Variants in DMD observed in about 807,000 individuals in gnomAD.
DMD encodes mutant dystrophin.
Under a neutral mutation model 330.1 loss-of-function variants are expected in DMD, and 63 were observed. The observed-to-expected ratio is 0.19, with a 90% confidence interval of 0.16 to 0.24. The LOEUF (loss-of-function observed/expected upper bound fraction) is 0.24. Among genes scored for constraint, DMD ranks in the 10% least tolerant of loss-of-function variants. DMD has a pLI of 1.00. For missense variants in DMD, 3,344 were observed against 2,684.1 expected, an observed-to-expected ratio of 1.25 and a Z score of -5.43; for synonymous variants, 1,223 against 959.8, an observed-to-expected ratio of 1.27 and a Z score of -5.07.
chrX:32,987,256 G>A (rs1241599479), intron 2 of DMD, among the ~76,000 whole-genome samples: 1 of 111,929 alleles, frequency 8.9e-6, no homozygotes, highest in Admixed American at 9.5e-5. Context: ...CGGATCAAAA[G>A]GTGCCTCCAA....
intron 1 of DMD, among the ~76,000 whole-genome samples, chrX:33,083,401 A>G (rs2094959397): frequency 9.0e-6 from 1 of 111,627 alleles, no homozygotes; most frequent in African/African-American, 3.3e-5. Context: ...AAAATTTTTC[A>G]TCTTGGTCCC....
intron 2 of DMD, among the ~76,000 whole-genome samples, chrX:32,859,460 C>A (rs1007768602): frequency 4.4e-5 from 3 of 68,755 alleles, no homozygotes; most frequent in Non-Finnish European, 7.9e-5. Context: ...GAAGCAAGAT[C>A]TCACACACAC....
Position 32,816,594 on chromosome X carries a change from T to C in DMD, c.404A>G (p.Asn135Ser), listed in dbSNP as rs764808552. ...CCAGCTCAGGAGAATCTTTTCACTGTTGGTTTGTTGCAATCCAGCCATGAT... is the reference window on the plus strand; with the variant it reads ...CCAGCTCAGGAGAATCTTTTCACTGCTGGTTTGTTGCAATCCAGCCATGAT... Reference protein sequence around the residue: ...KNIMAGLQQTNSEKILLSWVR... With the variant: ...KNIMAGLQQTSSEKILLSWVR... Residue 135 changes from asparagine (N) to serine (S), a missense_variant, in exon 6 of 79, where the codon AAC (asparagine) becomes AGC (serine). Coordinates refer to ENST00000357033, the MANE Select transcript of DMD (RefSeq NM_004006.3). 8.3e-6 allele frequency: 10 copies of C among 1,210,028 alleles called. No individual in the cohort carries two copies. In the African/African-American group the frequency reaches 1.2e-4, roughly 15 times the overall value.
intron 2 of DMD, among the ~76,000 whole-genome samples, chrX:32,874,440 C>A (rs189474966): frequency 8.1e-5 from 9 of 111,678 alleles, no homozygotes; most frequent in African/African-American, 2.6e-4. Context: ...TGCCAGTTTT[C>A]TCTCTCGCCT....
chrX:32,856,049 G>T (rs1489570958), intron 2 of DMD, among the ~76,000 whole-genome samples: 3 of 111,959 alleles, frequency 2.7e-5, no homozygotes, highest in Non-Finnish European at 5.6e-5. Context: ...TGTCAAAGAG[G>T]AATATGAAAA....
At chrX:31,748,193 G>C (rs760186587) in intron 51 of DMD, among the ~76,000 whole-genome samples, 32 of 111,798 alleles carry the variant, frequency 2.9e-4, no homozygotes, top group African/African-American at 1.0e-3. Flanking sequence ...TGAGGTGAAG[G>C]CTTCAATCCA....
At position 31,671,012 on chromosome X, in the gene DMD, G is replaced by A. The variant is rs970000319; in HGVS notation, c.7872+8363C>T. Among the ~76,000 whole-genome samples, 9 of 109,801 alleles carry A rather than the reference G, an allele frequency of 8.2e-5. 1 individual carries two copies. Among genetic ancestry groups the A allele is most frequent in the Middle Eastern group, 4.7e-3 (1 of 215 alleles). On this transcript the variant is annotated intron_variant, in intron 53 of 78. Coordinates refer to ENST00000357033, the MANE Select transcript of DMD (RefSeq NM_004006.3). ...ACTGCAAACTCTGCCTCCAGGGTTC[G>A]CGCCATTCTCCTGCCTCAGCCTCCT... is the stretch of plus-strand genomic sequence containing the variant.
At position 32,766,997 on chromosome X, in the gene DMD, C is replaced by T. The variant is rs185208524; in HGVS notation, c.649+42496G>A. Among the ~76,000 whole-genome samples, 5 of 111,345 alleles carry T rather than the reference C, an allele frequency of 4.5e-5. No individual in the cohort carries two copies. The East Asian group carries it at 1.1e-3, about 25-fold the overall frequency. On this transcript the variant is annotated intron_variant, in intron 7 of 78. Transcript: ENST00000357033. ...TGATTCAATTCAAGCTGTCCAATGC[C>T]GCATTAATACATACCATTAAACAAA...
intron 44 of DMD, among the ~76,000 whole-genome samples, chrX:31,988,345 C>G (rs1279980700): frequency 1.0e-4 from 11 of 106,176 alleles, no homozygotes; most frequent in African/African-American, 2.4e-4. Flanking sequence ...GTGGTGGCGG[C>G]CGCCTGTAGT....
intron 50 of DMD, among the ~76,000 whole-genome samples, chrX:31,797,787 A>C (rs1171628304): frequency 9.0e-6 from 1 of 111,498 alleles, no homozygotes; most frequent in African/African-American, 3.3e-5. Context: ...AATGTAAAAA[A>C]TGAAAGACTG....
At chrX:32,984,677 C>T (rs1226744937) in intron 2 of DMD, among the ~76,000 whole-genome samples, 1 of 111,940 alleles carries the variant, frequency 8.9e-6, no homozygotes, top group Non-Finnish European at 1.9e-5. Context: ...ATAGTAAGCA[C>T]TTCCATAAAT....
chrX:32,826,651 G>A (rs1281684765), intron 4 of DMD, among the ~76,000 whole-genome samples: 1 of 111,495 alleles, frequency 9.0e-6, no homozygotes, highest in African/African-American at 3.3e-5. Context: ...AAAATGTTGA[G>A]CTCATAGAAT....
chrX:33,202,128 A>G (rs1273076741), intron 1 of DMD, among the ~76,000 whole-genome samples: 2 of 111,888 alleles, frequency 1.8e-5, no homozygotes, highest in Non-Finnish European at 3.8e-5. Context: ...ACAACCCAAA[A>G]TTTTAATGGG....
intron 39 of DMD, among the ~76,000 whole-genome samples, chrX:32,344,932 A>G (rs1336495926): frequency 1.8e-5 from 2 of 111,678 alleles, no homozygotes; most frequent in Non-Finnish European, 3.8e-5. Context: ...TATATTTATC[A>G]GCAGTTACCT....
In DMD at chrX:32,188,379, G is replaced by A. The variant is rs180819981; in HGVS notation, c.6438+28537C>T. ...GACTTACCAAAAATCTGTCTCCCAT[G>A]AAGCTTATAAAGTCCTACACTTTCC... On this transcript the variant is annotated intron_variant, in intron 44 of 78. Coordinates refer to ENST00000357033, the MANE Select transcript of DMD (RefSeq NM_004006.3). 2.8e-5 allele frequency among the ~76,000 whole-genome samples: 3 copies of A among 105,550 alleles called. No individual in the cohort carries two copies. In the East Asian group the frequency reaches 8.8e-4, roughly 31 times the overall value. The allele number at this position is 105,550 out of a possible 115,157, so 91.7% of individuals were successfully genotyped here.
At chrX:32,717,215 CA>C (rs1411884571) in intron 7 of DMD, among the ~76,000 whole-genome samples, 1 of 111,387 alleles carries the variant, frequency 9.0e-6, no homozygotes, top group Non-Finnish European at 1.9e-5. Flanking sequence ...CCCTTTGCAG[CA>C]GCCCCTCCTA....
At chrX:32,834,008 T>C (rs1159375156) in intron 4 of DMD, among the ~76,000 whole-genome samples, 1 of 111,352 alleles carries the variant, frequency 9.0e-6, no homozygotes, top group African/African-American at 3.3e-5. Context: ...TGCAACTGAA[T>C]GTGAGTTTAA....
intron 2 of DMD, among the ~76,000 whole-genome samples, chrX:32,958,954 A>AT (rs903152459): frequency 1.8e-5 from 2 of 109,351 alleles, no homozygotes; most frequent in Non-Finnish European, 3.8e-5. Context: ...GCATACAGGA[A>AT]TTTTTTGGGG....
At chrX:32,384,115 A>C (rs2147521239) in intron 33 of DMD, among the ~76,000 whole-genome samples, 1 of 110,686 alleles carries the variant, frequency 9.0e-6, no homozygotes, top group Non-Finnish European at 1.9e-5. Context: ...TATTAATTTA[A>C]AATTTATAAT....
Sources: gnomAD v4.1 joint callset for allele counts (sites outside exome capture counted in the v4.1 genomes callset) on GRCh38, gnomAD v4.1.1 for gene constraint, MANE v1.5 for transcripts, NCBI Gene and HGNC (gene_info 2026-07-23, HGNC 2026-07-21) for gene names.